Variants in ASTN2 observed in about 807,000 individuals in gnomAD.
The protein encoded by ASTN2 is astrotactin-2.
A neutral mutation model predicts 139.8 loss-of-function variants in ASTN2; 54 were observed. The ratio of observed to expected loss-of-function variants is 0.39; its 90% CI spans 0.31 to 0.48. ASTN2 has a LOEUF of 0.48. ASTN2 is among the 20% of genes least tolerant of loss of function. The pLI, the probability that ASTN2 is intolerant of heterozygous loss-of-function variation, is 0.95. For synonymous variants in ASTN2, 756 were observed against 719.5 expected, an observed-to-expected ratio of 1.05 and a Z score of -0.81; for missense variants, 1,565 against 1,725.1, an observed-to-expected ratio of 0.91 and a Z score of 1.64.
intron 10 of ASTN2, among the ~76,000 whole-genome samples, chr9:116,920,526 G>C (rs934660183): frequency 6.6e-6 from 1 of 152,178 alleles, no homozygotes; most frequent in African/African-American, 2.4e-5. Context: ...CCTGCTCACA[G>C]TGCCTTCTTG....
intron 16 of ASTN2, among the ~76,000 whole-genome samples, chr9:116,685,894 T>A (rs530876238): frequency 1.3e-5 from 2 of 152,088 alleles, no homozygotes; most frequent in South Asian, 4.1e-4. Flanking sequence ...CACACATATA[T>A]AATATGTATA....
At chr9:117,374,302 C>A (rs965680336) in intron 1 of ASTN2, among the ~76,000 whole-genome samples, 7 of 128,322 alleles carry the variant, frequency 5.5e-5, no homozygotes, top group African/African-American at 1.8e-4. Flanking sequence ...TCTTCTATAA[C>A]AAGGATTAAC....
intron 10 of ASTN2, among the ~76,000 whole-genome samples, chr9:116,898,369 C>G (rs2132399956): frequency 6.7e-6 from 1 of 150,120 alleles, no homozygotes; most frequent in South Asian, 2.1e-4. Context: ...ATGATCACAC[C>G]ACTGCACTCC....
intron 1 of ASTN2, among the ~76,000 whole-genome samples, chr9:117,388,564 G>A (rs2130940513): frequency 6.6e-6 from 1 of 152,276 alleles, no homozygotes; most frequent in Non-Finnish European, 1.5e-5. Context: ...GAAATATTTG[G>A]ATATTTCTTA....
rs561770294 is a variant in ASTN2, at chr9:116,423,712, T to C, written c.*2139A>G. On this transcript the variant is annotated 3_prime_UTR_variant, in exon 23 of 23. Coordinates refer to ENST00000313400, the MANE Select transcript of ASTN2 (RefSeq NM_001365068.1). ...GCCTTAGAGCTTAGATTGTGAGAGG[T>C]TGAGAAGCTTCCCAGGCACCAAGGT... Among the ~76,000 whole-genome samples, 30 of 152,202 alleles carry C rather than the reference T, an allele frequency of 2.0e-4. No homozygotes were observed. Among genetic ancestry groups the C allele is most frequent in the African/African-American group, 7.2e-4 (30 of 41,538 alleles).
At chr9:117,158,346 T>C (rs757604078) in intron 3 of ASTN2, among the ~76,000 whole-genome samples, 2 of 152,050 alleles carry the variant, frequency 1.3e-5, no homozygotes, top group African/African-American at 2.4e-5. Context: ...GACTTAGATA[T>C]GAATTGGAGG....
chr9:116,714,627 T>C (rs1303246827), intron 16 of ASTN2, among the ~76,000 whole-genome samples: 1 of 152,166 alleles, frequency 6.6e-6, no homozygotes, highest in Non-Finnish European at 1.5e-5. Flanking sequence ...CTGACCTAAG[T>C]CACACATCTA....
intron 19 of ASTN2, among the ~76,000 whole-genome samples, chr9:116,589,349 T>C (rs901824381): frequency 6.6e-6 from 1 of 152,226 alleles, no homozygotes; most frequent in Non-Finnish European, 1.5e-5. Flanking sequence ...ACATTTACTT[T>C]GATGAATCGC....
In ASTN2 at chr9:116,711,514, C is replaced by G. The variant is rs77800756; in HGVS notation, c.2806+14257G>C. Among the ~76,000 whole-genome samples, 512 of 152,284 alleles carry G rather than the reference C, an allele frequency of 3.4e-3. 1 individual carries two copies. Among genetic ancestry groups the G allele is most frequent in the Non-Finnish European group, 5.1e-3 (349 of 68,004 alleles). ...ACATACCAAACTGTATTTTTCATGT[C>G]TTACCTTCTTTTTGATCACCAGATT... is the stretch of plus-strand genomic sequence containing the variant. On this transcript the variant is annotated intron_variant, in intron 16 of 22. Coordinates refer to ENST00000313400, the MANE Select transcript of ASTN2 (RefSeq NM_001365068.1).
At chr9:116,471,568 GAA>G (rs912407235) in intron 20 of ASTN2, among the ~76,000 whole-genome samples, 2 of 152,016 alleles carry the variant, frequency 1.3e-5, no homozygotes, top group Non-Finnish European at 2.9e-5. Flanking sequence ...GCATCCCGGG[GAA>G]AGAGGGACAG....
intron 4 of ASTN2, among the ~76,000 whole-genome samples, chr9:117,126,657 T>C (rs1367438901): frequency 1.3e-5 from 2 of 152,100 alleles, no homozygotes; most frequent in African/African-American, 4.8e-5. Context: ...GGCAAAGGAG[T>C]AGGAAGCCTA....
rs564783476 is a variant in ASTN2, at chr9:117,232,385, G to A, written c.631-17643C>T. ...GACTGGATCTGGAATGAGGCTGTGA[G>A]CTTGCATAACTCTTTCCCTTCATTG... On this transcript the variant is annotated intron_variant, in intron 2 of 22. Coordinates refer to ENST00000313400, the MANE Select transcript of ASTN2 (RefSeq NM_001365068.1). Among the ~76,000 whole-genome samples, 41 of 152,240 alleles carry A rather than the reference G, an allele frequency of 2.7e-4. 2 individuals carry two copies. The South Asian group carries it at 8.1e-3, about 30-fold the overall frequency.
chr9:117,048,716 C>T (rs528210138), intron 5 of ASTN2, among the ~76,000 whole-genome samples: 1 of 152,158 alleles, frequency 6.6e-6, no homozygotes, highest in Non-Finnish European at 1.5e-5. Context: ...TCAAATATCT[C>T]ATTACCTCTT....
intron 11 of ASTN2, among the ~76,000 whole-genome samples, chr9:116,831,023 T>G (rs1224735078): frequency 1.3e-5 from 2 of 148,200 alleles, no homozygotes; most frequent in African/African-American, 4.9e-5. Flanking sequence ...TAAAAAAGAA[T>G]GAAATCATGT....
At chr9:117,225,848 C>T (rs562801452) in intron 2 of ASTN2, among the ~76,000 whole-genome samples, 2 of 152,050 alleles carry the variant, frequency 1.3e-5, no homozygotes, top group African/African-American at 4.8e-5. Flanking sequence ...CTGCATAAAA[C>T]ATTCAATACG....
intron 5 of ASTN2, among the ~76,000 whole-genome samples, chr9:117,066,016 CT>C (rs58654004): frequency 0.58 from 84,872 of 145,860 alleles, 25,642 homozygotes; most frequent in Non-Finnish European, 0.67. Context: ...CCCATTTTAT[CT>C]TTTTTTTTTT....
intron 17 of ASTN2, among the ~76,000 whole-genome samples, chr9:116,628,395 G>T (rs528126382): frequency 6.6e-6 from 1 of 152,218 alleles, no homozygotes; most frequent in African/African-American, 2.4e-5. Flanking sequence ...TCAAATCACT[G>T]CATTGCTATT....
At chr9:116,663,785 C>A (rs923574087) in intron 16 of ASTN2, among the ~76,000 whole-genome samples, 9 of 152,112 alleles carry the variant, frequency 5.9e-5, no homozygotes, top group African/African-American at 2.2e-4. Flanking sequence ...ATACATTATG[C>A]CCTTTGGTCT....
At chr9:116,435,758 T>C (rs1038794083) in intron 22 of ASTN2, among the ~76,000 whole-genome samples, 1 of 152,224 alleles carries the variant, frequency 6.6e-6, no homozygotes, top group African/African-American at 2.4e-5. Context: ...TCCAGCTTTC[T>C]GCATCTGGAA....
Sources: gnomAD v4.1 joint callset for allele counts (sites outside exome capture counted in the v4.1 genomes callset) on GRCh38, gnomAD v4.1.1 for gene constraint, MANE v1.5 for transcripts, NCBI Gene and HGNC (gene_info 2026-07-23, HGNC 2026-07-21) for gene names.